Variants in SPACA6 observed in about 807,000 individuals in gnomAD.
SPACA6 encodes sperm acrosome membrane-associated protein 6.
For missense variants in SPACA6, 8 were observed against 2.8 expected, an observed-to-expected ratio of 2.88 and a Z score of -1.34; for synonymous variants, 6 against 1.5, an observed-to-expected ratio of 4.05 and a Z score of -2.21.
At chr19:51,684,316 A>T (rs1248482728), upstream of SPACA6, among the ~76,000 whole-genome samples, 1 of 152,164 alleles carries the variant, frequency 6.6e-6, no homozygotes, top group Non-Finnish European at 1.5e-5. Flanking sequence ...CCTTTTTCTT[A>T]GATGTAAACA....
intron 2 of SPACA6, among the ~76,000 whole-genome samples, chr19:51,699,811 G>C (rs1024182966): frequency 6.6e-6 from 1 of 152,124 alleles, no homozygotes; most frequent in Non-Finnish European, 1.5e-5. Context: ...GTTTGGTTGC[G>C]GGGGATGGGG....
In SPACA6 at chr19:51,704,161, G is replaced by A. The variant is rs940544240; in HGVS notation, c.705G>A (p.Leu235=). 1 of 401,072 alleles carries A rather than the reference G, an allele frequency of 2.5e-6. No individual in the cohort carries two copies. The highest frequency in any genetic ancestry group is 3.6e-5 in the East Asian group (1 of 28,068). 24.8% of individuals were successfully genotyped at this position (401,072 alleles called of 1,614,324 possible). A position where few individuals can be genotyped will look rare whatever the true frequency, so the allele number is the denominator to read the frequency against. Residue 235 remains leucine, a synonymous_variant, in exon 7 of 9, where the codon CTG becomes CTA. Coordinates refer to ENST00000637797, the MANE Select transcript of SPACA6 (RefSeq NM_001316972.2). ...TGATCAAGCAAGACCAGCGCCCCCT[G>A]GCCCGGCTCTACTTCTTTCTTAACG... ...SCVIKQDQRP[L]ARLYFFLNVT... is the part of the protein sequence containing the mutation.
chr19:51,695,424 A>G (rs2083422579), intron 2 of SPACA6, among the ~76,000 whole-genome samples: 1 of 152,180 alleles, frequency 6.6e-6, no homozygotes, highest in Non-Finnish European at 1.5e-5. Flanking sequence ...GCTTCCTCTT[A>G]GGTCCAGGAG....
Position 51,701,705 on chromosome 19 carries a change from G to GTCAT in SPACA6, c.342_345dup (p.Thr116HisfsTer5), listed in dbSNP as rs2083469747. 1 of 398,634 alleles carries GTCAT rather than the reference G, an allele frequency of 2.5e-6. No individual in the cohort carries two copies. The highest frequency in any genetic ancestry group is 4.4e-6 in the Non-Finnish European group (1 of 225,948). The allele number at this position is 398,634 out of a possible 1,614,324, so 24.7% of individuals were successfully genotyped here. A position where few individuals can be genotyped will look rare whatever the true frequency, so the allele number is the denominator to read the frequency against. The stretch of plus-strand genomic sequence containing the variant: ...TGATGCTGCGGAGAAAATGAAGAAG[G>GTCAT]TCATTACACAGCTTAAAGAAGGTAA... On this transcript the variant is annotated frameshift_variant, in exon 3 of 9. Coordinates refer to ENST00000637797, the MANE Select transcript of SPACA6 (RefSeq NM_001316972.2). LOFTEE classifies it high-confidence loss of function.
At position 51,704,344 on chromosome 19, in the gene SPACA6, G is replaced by T; in HGVS notation, c.805G>T (p.Asp269Tyr). 2.5e-6 allele frequency: 1 copy of T among 400,944 alleles called. No homozygotes were observed. Among genetic ancestry groups the T allele is most frequent in the East Asian group, 3.6e-5 (1 of 28,030 alleles). The allele number at this position is 400,944 out of a possible 1,614,324, so 24.8% of individuals were successfully genotyped here. A position where few individuals can be genotyped will look rare whatever the true frequency, so the allele number is the denominator to read the frequency against. ...FREVLRWAPR[D>Y]AELIEPWRPS... The stretch of plus-strand genomic sequence containing the variant: ...GGAAGTGCTGCGCTGGGCGCCGCGG[G>T]ATGCCGAGCTGATCGAGCCCTGGAG... The change falls in exon 8 of 9, where the codon GAT becomes TAT. Residue 269 changes from aspartate (D) to tyrosine (Y), a missense_variant. Transcript: ENST00000637797.
chr19:51,703,339 T>G lies in SPACA6; in HGVS notation c.573+2T>G. Reference sequence around the variant, plus strand: ...TCCTGGAAGTTCGCAGGAGGAGGTGTGAGTCGGGGCGGGGCCGGCGCGAAG... The same window carrying G: ...TCCTGGAAGTTCGCAGGAGGAGGTGGGAGTCGGGGCGGGGCCGGCGCGAAG... On this transcript the variant is annotated splice_donor_variant, in intron 6 of 8. Coordinates refer to ENST00000637797, the MANE Select transcript of SPACA6 (RefSeq NM_001316972.2). LOFTEE classifies it high-confidence loss of function. This position sits in a 1 kb window ranked among gnomAD's most constrained non-coding sequence, Gnocchi z 4.2. 1 of 398,314 alleles carries G rather than the reference T, an allele frequency of 2.5e-6. No individual in the cohort carries two copies. Among genetic ancestry groups the G allele is most frequent in the Non-Finnish European group, 4.4e-6 (1 of 225,840 alleles). The allele number at this position is 398,314 out of a possible 1,614,324, so 24.7% of individuals were successfully genotyped here. A position where few individuals can be genotyped will look rare whatever the true frequency, so the allele number is the denominator to read the frequency against.
intron 2 of SPACA6, among the ~76,000 whole-genome samples, chr19:51,710,514 G>T (rs2083536946): frequency 6.6e-6 from 1 of 152,190 alleles, no homozygotes; most frequent in Non-Finnish European, 1.5e-5. Flanking sequence ...AGGAAGGCGA[G>T]AAGATATTAG....
At chr19:51,688,963 A>G (rs1031709339), upstream of SPACA6, among the ~76,000 whole-genome samples, 1 of 151,862 alleles carries the variant, frequency 6.6e-6, no homozygotes, top group Non-Finnish European at 1.5e-5. Context: ...AGAGAGAGCG[A>G]GAGAGCACGC....
chr19:51,700,581 AGCTGGGGTCTCC>A (rs2083461414), intron 2 of SPACA6, among the ~76,000 whole-genome samples: 1 of 152,246 alleles, frequency 6.6e-6, no homozygotes, highest in Admixed American at 6.5e-5. Flanking sequence ...ATAGGCCACC[AGCTGGGGTCTCC>A]AGTTCAAGTT....
intron 2 of SPACA6, among the ~76,000 whole-genome samples, chr19:51,710,872 G>A (rs1051217969): frequency 1.3e-5 from 2 of 152,188 alleles, no homozygotes; most frequent in South Asian, 2.1e-4. Context: ...TTGAGGTCAC[G>A]AGTTTGAGAC....
chr19:51,707,583 C>A (rs1257732270), downstream of SPACA6, among the ~76,000 whole-genome samples: 1 of 152,166 alleles, frequency 6.6e-6, no homozygotes, highest in African/African-American at 2.4e-5. Context: ...CTACCTCCTG[C>A]CCCCATACCA....
upstream of SPACA6, among the ~76,000 whole-genome samples, chr19:51,691,550 G>T (rs953328303): frequency 2.0e-5 from 3 of 151,918 alleles, no homozygotes; most frequent in South Asian, 6.2e-4. Flanking sequence ...AAACAGAAGC[G>T]GGGAGAGGAG....
the SPACA6 span, among the ~76,000 whole-genome samples, chr19:51,683,734 A>G: frequency 6.6e-6 from 1 of 152,232 alleles, no homozygotes; most frequent in Non-Finnish European, 1.5e-5. Flanking sequence ...AGCACTTTCC[A>G]TACATTAACT....
At chr19:51,698,346 C>CTA (rs2083444993) in intron 2 of SPACA6, among the ~76,000 whole-genome samples, 1 of 152,166 alleles carries the variant, frequency 6.6e-6, no homozygotes, top group Non-Finnish European at 1.5e-5. Context: ...GGCCCGCTTG[C>CTA]TATAACCCAG....
chr19:51,687,392 GAATA>G (rs996698466), upstream of SPACA6: 7 of 149,036 alleles, frequency 4.7e-5, no homozygotes, highest in African/African-American at 1.7e-4. Flanking sequence ...AATACACTAG[GAATA>G]AATAGATGAA....
intron 2 of SPACA6, among the ~76,000 whole-genome samples, chr19:51,697,583 T>C (rs1000627040): frequency 2.6e-5 from 4 of 152,112 alleles, no homozygotes; most frequent in Admixed American, 6.5e-5. Context: ...CAGGATATAT[T>C]TGGAGATAGA....
the SPACA6 span, among the ~76,000 whole-genome samples, chr19:51,683,695 T>C: frequency 3.9e-5 from 6 of 152,238 alleles, no homozygotes; most frequent in Non-Finnish European, 8.8e-5. Flanking sequence ...TTCTTTTATA[T>C]GGTTTATTGT....
At chr19:51,691,733 G>A (rs1327627178), upstream of SPACA6, among the ~76,000 whole-genome samples, 1 of 151,932 alleles carries the variant, frequency 6.6e-6, no homozygotes, top group Admixed American at 6.6e-5. Flanking sequence ...AGCAGGGGCA[G>A]CGAGAACCAG....
chr19:51,687,325 A>G (rs1053047232), upstream of SPACA6: 3 of 152,064 alleles, frequency 2.0e-5, no homozygotes, highest in African/African-American at 7.2e-5. Flanking sequence ...GTAAATATCA[A>G]TATGCATAAC....
Sources: gnomAD v4.1 joint callset for allele counts (sites outside exome capture counted in the v4.1 genomes callset) on GRCh38, gnomAD v4.1.1 for gene constraint, Gnocchi (gnomAD v3.1) non-coding constraint, MANE v1.5 for transcripts, NCBI Gene and HGNC (gene_info 2026-07-23, HGNC 2026-07-21) for gene names.